Variants in SYT14 observed in about 807,000 individuals in gnomAD.
The protein encoded by SYT14 is synaptotagmin-14.
In SYT14, 32 loss-of-function variants were observed where a neutral mutation model predicts 74.2. The observed-to-expected ratio is 0.43, with a 90% CI of 0.33 to 0.58. The LOEUF (loss-of-function observed/expected upper bound fraction) is 0.58. Ranked by LOEUF, SYT14 falls within the 20% of genes least tolerant of loss-of-function variation. SYT14 has a pLI of 0.05. For missense variants in SYT14, 791 were observed against 981.8 expected, an observed-to-expected ratio of 0.81 and a Z score of 2.60; for synonymous variants, 298 against 337.7, an observed-to-expected ratio of 0.88 and a Z score of 1.29.
At chr1:210,162,277 G>A in exon 10 of SYT14, 1 of 437,950 alleles carries the variant, frequency 2.3e-6, no homozygotes, top group South Asian at 1.7e-5. Context: ...CTTGAACGTT[G>A]TATTTGCAAA....
intron 7 of SYT14, among the ~76,000 whole-genome samples, chr1:210,152,842 G>C (rs1033692509): frequency 1.4e-5 from 2 of 145,108 alleles, no homozygotes; most frequent in African/African-American, 5.2e-5. Flanking sequence ...AGTTCTGCTT[G>C]GTTTGAGGTT....
intron 5 of SYT14, among the ~76,000 whole-genome samples, chr1:210,021,786 C>A (rs1232248528): frequency 6.6e-6 from 1 of 152,094 alleles, no homozygotes; most frequent in Non-Finnish European, 1.5e-5. Context: ...CTATATTATA[C>A]CATTCTTTAA....
intron 7 of SYT14, among the ~76,000 whole-genome samples, chr1:210,115,316 G>A (rs1192644641): frequency 6.6e-6 from 1 of 151,136 alleles, no homozygotes; most frequent in African/African-American, 2.5e-5. Flanking sequence ...AAGGATGCAA[G>A]CCCAGAGAAA....
chr1:209,961,003 T>C (rs1334531076), intron 2 of SYT14, among the ~76,000 whole-genome samples: 1 of 152,172 alleles, frequency 6.6e-6, no homozygotes, highest in East Asian at 1.9e-4. Context: ...TGTTTCTGCA[T>C]GTGCTGTTCT....
At chr1:210,117,077 G>A (rs2082376337) in intron 7 of SYT14, among the ~76,000 whole-genome samples, 1 of 152,116 alleles carries the variant, frequency 6.6e-6, no homozygotes, top group South Asian at 2.1e-4. Context: ...TCTCAGTCAA[G>A]AGTATAATGC....
chr1:210,163,806 T>C, exon 10 of SYT14: 1 of 453,838 alleles, frequency 2.2e-6, no homozygotes, highest in Non-Finnish European at 4.4e-6. Context: ...CTACTGCTTC[T>C]TTGTGTGCTT....
At position 210,006,580 on chromosome 1, in the gene SYT14, A is replaced by G. The variant is rs560295709; in HGVS notation, c.-485-7053A>G. On this transcript the variant is annotated intron_variant, in intron 2 of 9. Transcript: ENST00000637265. Reference sequence around the variant, plus strand: ...TATTAAATGAATTATTAAAGTATCCATGACATGGAGTTAGAGGATTAGTGT... The same window carrying G: ...TATTAAATGAATTATTAAAGTATCCGTGACATGGAGTTAGAGGATTAGTGT... 7.9e-5 allele frequency among the ~76,000 whole-genome samples: 12 copies of G among 152,094 alleles called. 1 individual carries two copies. In the South Asian group the frequency reaches 1.5e-3, roughly 18 times the overall value.
chr1:210,020,410 A>T (rs1431095726), intron 4 of SYT14, among the ~76,000 whole-genome samples: 1 of 152,178 alleles, frequency 6.6e-6, no homozygotes, highest in Non-Finnish European at 1.5e-5. Flanking sequence ...GAATTGGTAA[A>T]TTCCTGGAAA....
At chr1:209,981,884 C>T (rs760335652) in intron 2 of SYT14, among the ~76,000 whole-genome samples, 2 of 152,130 alleles carry the variant, frequency 1.3e-5, no homozygotes, top group Admixed American at 6.5e-5. Flanking sequence ...ACCTTTTTCT[C>T]TAGCTGCCTT....
chr1:210,150,123 G>A (rs1224252549), intron 7 of SYT14, among the ~76,000 whole-genome samples: 1 of 152,170 alleles, frequency 6.6e-6, no homozygotes, highest in Non-Finnish European at 1.5e-5. Context: ...CAAGTAGGAT[G>A]CTGTCTTCCT....
chr1:210,036,175 T>G (rs2080658292), intron 5 of SYT14, among the ~76,000 whole-genome samples: 2 of 151,904 alleles, frequency 1.3e-5, no homozygotes, highest in African/African-American at 4.8e-5. Context: ...TTTGTTTTTG[T>G]TTTTGTTTTT....
chr1:210,146,770 T>C (rs1374253603), intron 7 of SYT14, among the ~76,000 whole-genome samples: 2 of 150,972 alleles, frequency 1.3e-5, no homozygotes, highest in African/African-American at 4.9e-5. Context: ...ATATACTACA[T>C]ATATACTACA....
chr1:210,123,007 A>C (rs2082498542), intron 7 of SYT14, among the ~76,000 whole-genome samples: 1 of 152,176 alleles, frequency 6.6e-6, no homozygotes, highest in South Asian at 2.1e-4. Context: ...CCTGAATCCA[A>C]GTGTTTAATT....
chr1:210,084,251 A>G (rs997200770), intron 5 of SYT14, among the ~76,000 whole-genome samples: 1 of 152,232 alleles, frequency 6.6e-6, no homozygotes, highest in Non-Finnish European at 1.5e-5. Flanking sequence ...TAAGAGCTAT[A>G]TATTAAAATA....
chr1:210,115,921 C>T lies in SYT14; in HGVS notation c.2034+15460C>T, dbSNP rs557292957. On this transcript the variant is annotated intron_variant, in intron 7 of 9. Coordinates refer to ENST00000637265, the Ensembl canonical transcript of SYT14. The stretch of plus-strand genomic sequence containing the variant: ...AGCTTTTTAATCATCTGGGTGCAGG[C>T]AGGCTGAGTCCGAAAAGAGAGTCAG... 4.0e-5 allele frequency among the ~76,000 whole-genome samples: 6 copies of T among 151,096 alleles called. No individual in the cohort carries two copies. The East Asian group carries it at 1.2e-3, about 29-fold the overall frequency.
At chr1:210,018,274 C>T (rs1471421095) in intron 4 of SYT14, among the ~76,000 whole-genome samples, 1 of 152,182 alleles carries the variant, frequency 6.6e-6, no homozygotes, top group Non-Finnish European at 1.5e-5. Context: ...GCTGGGACTA[C>T]AGGCACGCAC....
intron 5 of SYT14, among the ~76,000 whole-genome samples, chr1:210,052,737 A>AGAGTTGAC (rs2081026072): frequency 1.3e-5 from 2 of 150,188 alleles, no homozygotes; most frequent in South Asian, 4.3e-4. Context: ...TAAATATTAA[A>AGAGTTGAC]GAGTTGACAG....
intron 1 of SYT14, among the ~76,000 whole-genome samples, chr1:209,941,835 C>T (rs7544033): frequency 0.64 from 97,393 of 152,060 alleles, 31,887 homozygotes; most frequent in East Asian, 0.85. Context: ...CCCCTGGAGA[C>T]ACTAAAATTT....
intron 5 of SYT14, among the ~76,000 whole-genome samples, chr1:210,042,144 C>T (rs934341153): frequency 6.6e-6 from 1 of 151,998 alleles, no homozygotes; most frequent in Non-Finnish European, 1.5e-5. Flanking sequence ...CATCTGGGGA[C>T]CTGTCCTCCT....
Sources: gnomAD v4.1 joint callset for allele counts (sites outside exome capture counted in the v4.1 genomes callset) on GRCh38, gnomAD v4.1.1 for gene constraint, MANE v1.5 for transcripts, NCBI Gene and HGNC (gene_info 2026-07-23, HGNC 2026-07-21) for gene names.